The following ATL1 variants were observed in gnomAD, a reference collection of about 807,000 sequenced individuals.
ATL1 encodes the protein atlastin-1.
ATL1 carries 31 observed loss-of-function variants against 75.5 expected under a neutral mutation model. That is an observed-to-expected ratio of 0.41 (90% CI 0.31 to 0.55). The LOEUF (loss-of-function observed/expected upper bound fraction) is 0.55. Ranked by LOEUF, ATL1 falls within the 20% of genes least tolerant of loss-of-function variation. ATL1 has a pLI of 0.27. For synonymous variants in ATL1, 226 were observed against 233.3 expected (o/e 0.97, Z 0.28); for missense variants, 405 against 662.6 (o/e 0.61, Z 4.27).
chr14:50,555,064 G>T (rs547803935), intron 1 of ATL1, among the ~76,000 whole-genome samples: 2 of 152,310 alleles, frequency 1.3e-5, no homozygotes, highest in East Asian at 3.9e-4. Context: ...TAGGTCAATG[G>T]TATTTGAGTG....
Position 50,560,379 on chromosome 14 carries a change from G to A in ATL1, c.34+80G>A. ...TTTCTGCTTCTGTGGAGACAGGGAG[G>A]GCCAAGGGCTGCTAGGTGCCTGCGT... On this transcript the variant is annotated intron_variant, in intron 1 of 13. Transcript: ENST00000358385. The A allele has an allele frequency of 4.5e-6, 7 of 1,551,588 alleles. No homozygotes were observed. The South Asian group carries it at 8.2e-5, about 18-fold the overall frequency.
intron 8 of ATL1, among the ~76,000 whole-genome samples, chr14:50,616,846 G>A (rs913970879): frequency 1.3e-5 from 2 of 152,130 alleles, no homozygotes; most frequent in Non-Finnish European, 2.9e-5. Flanking sequence ...TTGCCTCCGT[G>A]TTTCTTTGGG....
chr14:50,535,281 G>A (rs922864030), intron 1 of ATL1, among the ~76,000 whole-genome samples: 1 of 152,192 alleles, frequency 6.6e-6, no homozygotes, highest in Middle Eastern at 3.2e-3. Context: ...AGAATTGGGA[G>A]ACATAAAATG....
chr14:50,537,376 C>T (rs2038507401), intron 1 of ATL1, among the ~76,000 whole-genome samples: 1 of 152,228 alleles, frequency 6.6e-6, no homozygotes, highest in Non-Finnish European at 1.5e-5. Context: ...AAGTTTTCTG[C>T]AGGGGTAGTG....
At chr14:50,584,927 G>T (rs887855291) in intron 1 of ATL1, among the ~76,000 whole-genome samples, 1 of 151,884 alleles carries the variant, frequency 6.6e-6, no homozygotes, top group Non-Finnish European at 1.5e-5. Flanking sequence ...GAAACTAGAA[G>T]ACTCTTGCTA....
chr14:50,540,322 C>T (rs1327050479), intron 1 of ATL1, among the ~76,000 whole-genome samples: 1 of 152,122 alleles, frequency 6.6e-6, no homozygotes, highest in Non-Finnish European at 1.5e-5. Context: ...TGGAAAAATC[C>T]TGGGACTGAT....
At chr14:50,616,984 G>A (rs1370124093) in intron 8 of ATL1, among the ~76,000 whole-genome samples, 1 of 152,160 alleles carries the variant, frequency 6.6e-6, no homozygotes, top group Non-Finnish European at 1.5e-5. Flanking sequence ...GCATCTCACT[G>A]GTTGCCTCTA....
rs550234467 is a variant in ATL1 at position 50,629,934 on chromosome 14, T to A, written c.1552-61T>A. ...ATATTGTAAGCAAAGTTGATTATAA[T>A]GCTGTTAATAAAGCAGGATATATAC... On this transcript the variant is annotated intron_variant, in intron 12 of 13. Transcript: ENST00000358385. 2,468 of 1,297,736 alleles carry A rather than the reference T, an allele frequency of 1.9e-3. 72 individuals carry two copies. In the South Asian group the frequency reaches 0.031, roughly 16 times the overall value. The allele number at this position is 1,297,736 out of a possible 1,614,324, so 80.4% of individuals were successfully genotyped here. A position where few individuals can be genotyped will look rare whatever the true frequency, so the allele number is the denominator to read the frequency against.
chr14:50,555,223 G>A (rs2038750975), upstream of ATL1, among the ~76,000 whole-genome samples: 1 of 152,144 alleles, frequency 6.6e-6, no homozygotes, highest in Non-Finnish European at 1.5e-5. Context: ...AGCCCCAAGT[G>A]AAAGATGGAA....
At chr14:50,571,041 A>T (rs1323929675) in intron 1 of ATL1, among the ~76,000 whole-genome samples, 1 of 152,130 alleles carries the variant, frequency 6.6e-6, no homozygotes, top group African/African-American at 2.4e-5. Context: ...GGTTTTCAAA[A>T]GTGGGTGGGA....
upstream of ATL1, chr14:50,559,360 G>C (rs567659854): frequency 1.7e-4 from 26 of 152,316 alleles, no homozygotes; most frequent in African/African-American, 5.8e-4. Flanking sequence ...GTGTTTCCAG[G>C]TTACTGAAAA....
chr14:50,619,797 C>T (rs1260199994), intron 8 of ATL1, among the ~76,000 whole-genome samples: 1 of 152,074 alleles, frequency 6.6e-6, no homozygotes, highest in Admixed American at 6.5e-5. Context: ...AGTCCAGTTA[C>T]CACAGCTTAC....
chr14:50,557,532 A>G (rs2038779005), upstream of ATL1, among the ~76,000 whole-genome samples: 1 of 152,168 alleles, frequency 6.6e-6, no homozygotes, highest in Non-Finnish European at 1.5e-5. Flanking sequence ...ATTCTTTTTC[A>G]CACCTACATA....
chr14:50,555,582 C>T (rs1195999699), upstream of ATL1, among the ~76,000 whole-genome samples: 1 of 152,210 alleles, frequency 6.6e-6, no homozygotes, highest in Non-Finnish European at 1.5e-5. Flanking sequence ...CCGTGGCCAG[C>T]CAGTTCCTTC....
chr14:50,570,915 C>G (rs2140185052), intron 1 of ATL1, among the ~76,000 whole-genome samples: 1 of 152,228 alleles, frequency 6.6e-6, no homozygotes, highest in East Asian at 1.9e-4. Context: ...AAGGATCAGC[C>G]TGAGATGTAA....
chr14:50,615,838 A>G (rs2039409701), intron 8 of ATL1, among the ~76,000 whole-genome samples: 1 of 152,192 alleles, frequency 6.6e-6, no homozygotes, highest in African/African-American at 2.4e-5. Flanking sequence ...TGCGCCTTCA[A>G]CAACAGCCCT....
chr14:50,566,636 T>A (rs1432690904), intron 1 of ATL1, among the ~76,000 whole-genome samples: 1 of 152,160 alleles, frequency 6.6e-6, no homozygotes, highest in Non-Finnish European at 1.5e-5. Context: ...TCAGTGCCTG[T>A]TTGCCCTTTG....
chr14:50,559,978 G>C, upstream of ATL1: 1 of 487,204 alleles, frequency 2.1e-6, no homozygotes, highest in Non-Finnish European at 3.7e-6. Context: ...AAAATGTTGC[G>C]GTACGTGGTC....
At chr14:50,605,451 G>C (rs1167476618) in intron 6 of ATL1, among the ~76,000 whole-genome samples, 3 of 151,718 alleles carry the variant, frequency 2.0e-5, no homozygotes, top group Non-Finnish European at 2.9e-5. Flanking sequence ...TTTTTATTCT[G>C]AGTCTATATT....
Sources: allele counts gnomAD v4.1 joint callset (sites outside exome capture counted in the v4.1 genomes callset), GRCh38; gene constraint gnomAD v4.1.1; transcripts MANE v1.5; gene names NCBI Gene and HGNC (gene_info 2026-07-23, HGNC 2026-07-21).